Variants in RXRB observed in about 807,000 individuals in gnomAD.
RXRB encodes the protein retinoid X receptor beta.
In RXRB, 18 loss-of-function variants were observed where a neutral mutation model predicts 52.5. That is an observed-to-expected ratio of 0.34 (90% confidence interval 0.24 to 0.51). The LOEUF is 0.51. RXRB is among the 20% of genes least tolerant of loss of function. RXRB has a pLI of 0.97. For synonymous variants in RXRB, 233 were observed against 267.1 expected, an observed-to-expected ratio of 0.87 and a Z score of 1.25; for missense variants, 455 against 698.2, an observed-to-expected ratio of 0.65 and a Z score of 3.92.
Position 33,195,240 on chromosome 6 carries a change from G to C in RXRB, c.1348+123C>G. The C allele has an allele frequency of 1.2e-6, 1 of 803,918 alleles. No homozygotes were observed. Among genetic ancestry groups the C allele is most frequent in the Non-Finnish European group, 2.1e-6 (1 of 471,636 alleles). 49.8% of individuals were successfully genotyped at this position (803,918 alleles called of 1,614,324 possible). The stretch of plus-strand genomic sequence containing the variant: ...GTGGATGTGGGTTTTTCCTCGGCCA[G>C]TTGGGAGATTTCCAGGTTGAGGGTC... On this transcript the variant is annotated intron_variant, in intron 8 of 9. Transcript: ENST00000374680. The surrounding 1 kb of genome is among the most constrained non-coding windows in gnomAD (Gnocchi z 8.6).
chr6:33,200,801 G>T, upstream of RXRB: 1 of 1,526,824 alleles, frequency 6.5e-7, no homozygotes, highest in Admixed American at 2.0e-5. The surrounding 1 kb of genome is among the most constrained non-coding windows in gnomAD (Gnocchi z 6.3). Context: ...GTGCAGGATG[G>T]ATTCGTCGCT....
At chr6:33,200,802 A>T, upstream of RXRB, 1 of 1,523,224 alleles carries the variant, frequency 6.6e-7, no homozygotes, top group Non-Finnish European at 8.9e-7. This position sits in a 1 kb window ranked among gnomAD's most constrained non-coding sequence, Gnocchi z 6.3. Flanking sequence ...TGCAGGATGG[A>T]TTCGTCGCTA....
chr6:33,197,696 A>G lies in RXRB; in HGVS notation c.820+66T>C. On this transcript the variant is annotated intron_variant, in intron 4 of 9. Transcript: ENST00000374680. The surrounding 1 kb of genome is among the most constrained non-coding windows in gnomAD (Gnocchi z 4.4). ...GCAGTCCACCCTTCCAGAGAGGTACACAGTCTGAGTGGGATAAGGGAGAAG... is the reference window on the plus strand; with the variant it reads ...GCAGTCCACCCTTCCAGAGAGGTACGCAGTCTGAGTGGGATAAGGGAGAAG... 1 of 1,472,518 alleles carries G rather than the reference A, an allele frequency of 6.8e-7. No homozygotes were observed. Among genetic ancestry groups the G allele is most frequent in the Admixed American group, 1.8e-5 (1 of 55,864 alleles). The allele number at this position is 1,472,518 out of a possible 1,614,324, so 91.2% of individuals were successfully genotyped here.
chr6:33,196,743 A>G lies in RXRB; in HGVS notation c.821-137T>C. The G allele has an allele frequency of 1.3e-6, 1 of 790,614 alleles. No homozygotes were observed. The highest frequency in any genetic ancestry group is 2.7e-5 in the East Asian group (1 of 37,002). The allele number at this position is 790,614 out of a possible 1,614,324, so 49.0% of individuals were successfully genotyped here. ...ATAGGAATTGGGGAAGTCACTAGAA[A>G]GGGTGGACTGGGGGCAGCCCTGAAG... On this transcript the variant is annotated intron_variant, in intron 4 of 9. Transcript: ENST00000374680. The surrounding 1 kb of genome is among the most constrained non-coding windows in gnomAD (Gnocchi z 4.0).
At position 33,197,965 on chromosome 6, in the gene RXRB, T is replaced by C; in HGVS notation, c.641-24A>G. On this transcript the variant is annotated intron_variant, in intron 3 of 9. Coordinates refer to ENST00000374680, the MANE Select transcript of RXRB (RefSeq NM_021976.5). The surrounding 1 kb of genome is among the most constrained non-coding windows in gnomAD (Gnocchi z 4.4). ...GCCTACAGGGAAAGGGGAGGAGCAA[T>C]AAGAAGGTTGCATGGAGACACCTTC... 3 of 1,608,380 alleles carry C rather than the reference T, an allele frequency of 1.9e-6. No individual in the cohort carries two copies. The highest frequency in any genetic ancestry group is 2.5e-6 in the Non-Finnish European group (3 of 1,177,248).
At position 33,200,358 on chromosome 6, in the gene RXRB, C is replaced by G; in HGVS notation, c.119G>C (p.Arg40Pro). 1.9e-6 allele frequency: 3 copies of G among 1,568,646 alleles called. No individual in the cohort carries two copies. The highest frequency in any genetic ancestry group is 2.6e-6 in the Non-Finnish European group (3 of 1,159,920). ...CGCCGCTGCGGGATCCAGCCAGGGC[C>G]GTCGCCGCCGCCACCGGGACGCGAC... The part of the protein sequence containing the change: ...CGVASRWRRR[R>P]PWLDPAAAAA... Residue 40 changes from arginine to proline, a missense_variant, in exon 1 of 10, where the codon CGG (arginine) becomes CCG (proline). This residue lies in a region of RXRB where 225 missense variants were observed against 258.6 expected (regional missense o/e 0.87). Transcript: ENST00000374680. This position sits in a 1 kb window ranked among gnomAD's most constrained non-coding sequence, Gnocchi z 6.3.
intron 1 of RXRB, chr6:33,199,659 G>T (rs1049623764): frequency 1.0e-5 from 5 of 490,804 alleles, no homozygotes; most frequent in African/African-American, 9.6e-5. Flanking sequence ...ACTAAAATTG[G>T]TATACAACCT....
In RXRB at chr6:33,194,175, T is replaced by C. The variant is rs1158117615; in HGVS notation, c.*507A>G. 1 of 153,500 alleles carries C rather than the reference T, an allele frequency of 6.5e-6. No homozygotes were observed. The highest frequency in any genetic ancestry group is 2.4e-5 in the African/African-American group (1 of 41,470). The allele number at this position is 153,500 out of a possible 1,614,324, so 9.5% of individuals were successfully genotyped here. A position where few individuals can be genotyped will look rare whatever the true frequency, so the allele number is the denominator to read the frequency against. The stretch of plus-strand genomic sequence containing the variant: ...AAGTGTAAAAAGAGACTCTGGACAG[T>C]GACAGGGCCCCTCCCTCTTCCAGAG... On this transcript the variant is annotated 3_prime_UTR_variant, in exon 10 of 10. Coordinates refer to ENST00000374680, the MANE Select transcript of RXRB (RefSeq NM_021976.5). The surrounding 1 kb of genome is among the most constrained non-coding windows in gnomAD (Gnocchi z 4.1).
chr6:33,200,231 G>A lies in RXRB; in HGVS notation c.235+11C>T. ...TCACTGGCTCGCCTGCCCTTCTGCT[G>A]GGGCACTCACCCCGCCCGCTGTCGC... On this transcript the variant is annotated intron_variant, in intron 1 of 9. Coordinates refer to ENST00000374680, the MANE Select transcript of RXRB (RefSeq NM_021976.5). The surrounding 1 kb of genome is among the most constrained non-coding windows in gnomAD (Gnocchi z 6.3). The A allele has an allele frequency of 6.2e-7, 1 of 1,605,104 alleles. No homozygotes were observed. The highest frequency in any genetic ancestry group is 8.5e-7 in the Non-Finnish European group (1 of 1,177,192).
intron 3 of RXRB, 121 bp downstream of exon 3, chr6:33,198,187 A>G: frequency 7.2e-7 from 1 of 1,393,032 alleles, no homozygotes; most frequent in Non-Finnish European, 1.0e-6. Flanking sequence ...CAGCTTCTTT[A>G]CTCCCATCAG....
rs370444691 is a variant in RXRB, at chr6:33,197,249, A to G, written c.820+513T>C. ...GCCAAGCCTCAGGCTCATCTTCTCT[A>G]AAGTGGGTGTTTTGACCAAGATATG... On this transcript the variant is annotated intron_variant, in intron 4 of 9. Coordinates refer to ENST00000374680, the MANE Select transcript of RXRB (RefSeq NM_021976.5). The surrounding 1 kb of genome is among the most constrained non-coding windows in gnomAD (Gnocchi z 4.4). Among the ~76,000 whole-genome samples the G allele has an allele frequency of 9.7e-4, 148 of 152,302 alleles. No individual in the cohort carries two copies. The South Asian group carries it at 0.025, about 26-fold the overall frequency.
In RXRB at chr6:33,196,922, A is replaced by G. The variant is rs1398139869; in HGVS notation, c.821-316T>C. Among the ~76,000 whole-genome samples, 2 of 152,238 alleles carry G rather than the reference A, an allele frequency of 1.3e-5. No individual in the cohort carries two copies. The highest frequency in any genetic ancestry group is 4.8e-5 in the African/African-American group (2 of 41,448). On this transcript the variant is annotated intron_variant, in intron 4 of 9. Transcript: ENST00000374680. The surrounding 1 kb of genome is among the most constrained non-coding windows in gnomAD (Gnocchi z 4.0). ...TGATTGAAAAAAAAAATTTTTTTAA[A>G]TAAAATATGCCAAGAAACATGCTAA...
In RXRB at chr6:33,197,758, T is replaced by A. The variant is rs1213659059; in HGVS notation, c.820+4A>T. ...TAAGACGCCTGGGCAGGGCGGGTCC[T>A]TACCCTCCCTCTTCATGCCAGTGGC... On this transcript the variant is annotated splice_donor_region_variant and intron_variant, in intron 4 of 9. Coordinates refer to ENST00000374680, the MANE Select transcript of RXRB (RefSeq NM_021976.5). The surrounding 1 kb of genome is among the most constrained non-coding windows in gnomAD (Gnocchi z 4.4). 1.2e-6 allele frequency: 2 copies of A among 1,613,538 alleles called. No homozygotes were observed.
At position 33,196,855 on chromosome 6, in the gene RXRB, A is replaced by G. The variant is rs1368258482; in HGVS notation, c.821-249T>C. Among the ~76,000 whole-genome samples the G allele has an allele frequency of 6.6e-6, 1 of 152,198 alleles. No individual in the cohort carries two copies. Among genetic ancestry groups the G allele is most frequent in the Admixed American group, 6.5e-5 (1 of 15,286 alleles). On this transcript the variant is annotated intron_variant, in intron 4 of 9. Coordinates refer to ENST00000374680, the MANE Select transcript of RXRB (RefSeq NM_021976.5). This position sits in a 1 kb window ranked among gnomAD's most constrained non-coding sequence, Gnocchi z 4.0. The stretch of plus-strand genomic sequence containing the variant: ...GAGGAATTTAAATGGAGAGCCTACT[A>G]CATGGTTAAAAAAAACATGCCAAGA...
Position 33,195,019 on chromosome 6 carries a change from C to T in RXRB, c.1380G>A (p.Val460=), listed in dbSNP as rs1369883275. 8 of 1,612,796 alleles carry T rather than the reference C, an allele frequency of 5.0e-6. No homozygotes were observed. The highest frequency in any genetic ancestry group is 6.8e-6 in the Non-Finnish European group (8 of 1,179,988). ...DAKGLSNPSE[V]EVLREKVYAS... ...CATACACTTTCTCCCGCAGGACCTCCACCTCACTAGGGTTGGAGAGGCCCT... is the reference window on the plus strand; with the variant it reads ...CATACACTTTCTCCCGCAGGACCTCTACCTCACTAGGGTTGGAGAGGCCCT... Residue 460 remains valine (V), a synonymous_variant, in exon 9 of 10, where the codon GTG becomes GTA. Transcript: ENST00000374680. This position sits in a 1 kb window ranked among gnomAD's most constrained non-coding sequence, Gnocchi z 8.6.
In RXRB at chr6:33,197,668, A is replaced by G; in HGVS notation, c.820+94T>C. On this transcript the variant is annotated intron_variant, in intron 4 of 9. Coordinates refer to ENST00000374680, the MANE Select transcript of RXRB (RefSeq NM_021976.5). This position sits in a 1 kb window ranked among gnomAD's most constrained non-coding sequence, Gnocchi z 4.4. Reference sequence around the variant, plus strand: ...TCAAATATCGCCCTCTAGAGGAGAGAGAGCAGTCCACCCTTCCAGAGAGGT... The same window carrying G: ...TCAAATATCGCCCTCTAGAGGAGAGGGAGCAGTCCACCCTTCCAGAGAGGT... The G allele has an allele frequency of 8.8e-7, 1 of 1,140,428 alleles. No homozygotes were observed. Among genetic ancestry groups the G allele is most frequent in the South Asian group, 1.4e-5 (1 of 69,780 alleles). 70.6% of individuals were successfully genotyped at this position (1,140,428 alleles called of 1,614,324 possible).
At position 33,199,224 on chromosome 6, in the gene RXRB, G is replaced by A; in HGVS notation, c.428C>T (p.Pro143Leu). 1 of 1,275,304 alleles carries A rather than the reference G, an allele frequency of 7.8e-7. No individual in the cohort carries two copies. The highest frequency in any genetic ancestry group is 1.0e-6 in the Non-Finnish European group (1 of 1,001,074). 79.0% of individuals were successfully genotyped at this position (1,275,304 alleles called of 1,614,324 possible). A position where few individuals can be genotyped will look rare whatever the true frequency, so the allele number is the denominator to read the frequency against. The change falls in exon 2 of 10, where the codon CCT becomes CTT. Residue 143 changes from proline to leucine, a missense_variant. Pro to Leu is a moderately conservative substitution (Grantham distance 98, BLOSUM62 -3). This residue lies in a region of RXRB where 225 missense variants were observed against 258.6 expected (regional missense o/e 0.87). Transcript: ENST00000374680. ...TGGGGGAGCTGGAGGGGGCAGACCA[G>A]GGGACCCCATGGAAGAACTGATGAC... ...FPVISSSMGS[P>L]GLPPPAPPGF...
At position 33,194,875 on chromosome 6, in the gene RXRB, G is replaced by A. The variant is rs760705201; in HGVS notation, c.1455-46C>T. On this transcript the variant is annotated intron_variant, in intron 9 of 9. Transcript: ENST00000374680. The surrounding 1 kb of genome is among the most constrained non-coding windows in gnomAD (Gnocchi z 4.1). ...GGGGATTGAGAGCTGGAAGCACACG[G>A]GCCCTGAACACATCCTCATAGCACT... is the stretch of plus-strand genomic sequence containing the variant. The A allele has an allele frequency of 1.9e-6, 3 of 1,611,980 alleles. No individual in the cohort carries two copies. The South Asian group carries it at 3.3e-5, about 18-fold the overall frequency.
Position 33,197,961 on chromosome 6 carries a change from G to C in RXRB, c.641-20C>G. On this transcript the variant is annotated intron_variant, in intron 3 of 9. Transcript: ENST00000374680. The surrounding 1 kb of genome is among the most constrained non-coding windows in gnomAD (Gnocchi z 4.4). ...GTTTGCCTACAGGGAAAGGGGAGGAGCAATAAGAAGGTTGCATGGAGACAC... is the reference window on the plus strand; with the variant it reads ...GTTTGCCTACAGGGAAAGGGGAGGACCAATAAGAAGGTTGCATGGAGACAC... The C allele has an allele frequency of 1.2e-6, 2 of 1,609,542 alleles. No homozygotes were observed. Among genetic ancestry groups the C allele is most frequent in the Non-Finnish European group, 1.7e-6 (2 of 1,177,896 alleles).
Sources: allele counts gnomAD v4.1 joint callset (sites outside exome capture counted in the v4.1 genomes callset), GRCh38; gene constraint gnomAD v4.1.1; regional missense constraint gnomAD v4.1.1; non-coding constraint Gnocchi (gnomAD v3.1); transcripts MANE v1.5; gene names NCBI Gene and HGNC (gene_info 2026-07-23, HGNC 2026-07-21).